LHCGR: variants seen among roughly 807,000 people sequenced by gnomAD.
LHCGR encodes lutropin-choriogonadotropic hormone receptor.
A neutral mutation model predicts 60.7 loss-of-function variants in LHCGR; 55 were observed. The ratio of observed to expected loss-of-function variants is 0.91; its 90% CI spans 0.73 to 1.13. The LOEUF (loss-of-function observed/expected upper bound fraction) is 1.13. Among genes scored for constraint, LHCGR ranks in the 50% most tolerant of loss-of-function variants. The pLI is 0.00. For missense variants in LHCGR, 862 were observed against 836.0 expected (o/e 1.03, Z -0.38); for synonymous variants, 337 against 316.5 (o/e 1.06, Z -0.69).
chr2:48,700,932 A>G (rs538507809), intron 8 of LHCGR, among the ~76,000 whole-genome samples: 1 of 152,308 alleles, frequency 6.6e-6, no homozygotes, highest in African/African-American at 2.4e-5. Context: ...AAGTAGAGTC[A>G]GAAGTCGATA....
At chr2:48,702,584 A>G (rs1667465374) in intron 8 of LHCGR, among the ~76,000 whole-genome samples, 1 of 152,190 alleles carries the variant, frequency 6.6e-6, no homozygotes. Flanking sequence ...CCTGCAAAGG[A>G]CATGAACTTA....
chr2:48,735,625 C>T (rs1017455498), intron 1 of LHCGR, among the ~76,000 whole-genome samples: 2 of 152,142 alleles, frequency 1.3e-5, no homozygotes, highest in African/African-American at 4.8e-5. Context: ...TCAAACTGGG[C>T]CCCTTGGCAC....
intron 6 of LHCGR, chr2:48,721,248 G>C (rs775844584): frequency 1.3e-5 from 2 of 157,526 alleles, no homozygotes; most frequent in Non-Finnish European, 2.8e-5. Flanking sequence ...TTCGGAATTT[G>C]TTTGTTGAAT....
At chr2:48,710,726 C>A (rs1262948844) in intron 7 of LHCGR, among the ~76,000 whole-genome samples, 2 of 152,198 alleles carry the variant, frequency 1.3e-5, no homozygotes, top group Admixed American at 6.5e-5. Flanking sequence ...GGGCCACCTT[C>A]TGCGGCTGCC....
intron 4 of LHCGR, among the ~76,000 whole-genome samples, chr2:48,725,431 G>T (rs896800444): frequency 6.6e-6 from 1 of 152,096 alleles, no homozygotes; most frequent in Non-Finnish European, 1.5e-5. Flanking sequence ...CTACAGAGGG[G>T]TGACGTTCTT....
chr2:48,694,149 A>G (rs1245272711), intron 10 of LHCGR, 75 bp downstream of exon 10: 2 of 927,846 alleles, frequency 2.2e-6, no homozygotes, highest in Admixed American at 4.0e-5. Context: ...ATCAAAAGAA[A>G]ATAATTGATG....
At chr2:48,737,757 A>T (rs1306663791) in intron 1 of LHCGR, among the ~76,000 whole-genome samples, 1 of 152,228 alleles carries the variant, frequency 6.6e-6, no homozygotes, top group Non-Finnish European at 1.5e-5. Flanking sequence ...AACAGTCTTT[A>T]AAAATACATC....
In LHCGR at chr2:48,740,544, G is replaced by A. The variant is rs534534762; in HGVS notation, c.162-9246C>T. Among the ~76,000 whole-genome samples the A allele has an allele frequency of 3.7e-3, 569 of 152,226 alleles. 3 individuals carry two copies. Among genetic ancestry groups the A allele is most frequent in the African/African-American group, 0.012 (508 of 41,512 alleles). The stretch of plus-strand genomic sequence containing the variant: ...AGTGGGTCCCTGACCCCTGACCCCT[G>A]AGCAGCCTAACTGGGAGGCACCCCC... On this transcript the variant is annotated intron_variant, in intron 1 of 10. Coordinates refer to ENST00000294954, the MANE Select transcript of LHCGR (RefSeq NM_000233.4).
At chr2:48,700,412 A>T (rs1667350640) in intron 8 of LHCGR, among the ~76,000 whole-genome samples, 1 of 152,090 alleles carries the variant, frequency 6.6e-6, no homozygotes, top group Non-Finnish European at 1.5e-5. Context: ...AATGAGAACA[A>T]CCCCTTGGGA....
At chr2:48,689,357 G>A (rs540453343) in intron 10 of LHCGR, among the ~76,000 whole-genome samples, 2 of 152,144 alleles carry the variant, frequency 1.3e-5, no homozygotes, top group African/African-American at 2.4e-5. Context: ...CTCTCATTTA[G>A]TTGCCAACCA....
intron 1 of LHCGR, among the ~76,000 whole-genome samples, chr2:48,733,884 CTGTT>C (rs1669108043): frequency 6.6e-6 from 1 of 152,060 alleles, no homozygotes; most frequent in African/African-American, 2.4e-5. Context: ...TTGTTGATAA[CTGTT>C]TGAATGTACT....
At chr2:48,742,969 G>C (rs1444773235) in intron 1 of LHCGR, among the ~76,000 whole-genome samples, 1 of 152,084 alleles carries the variant, frequency 6.6e-6, no homozygotes, top group Non-Finnish European at 1.5e-5. Flanking sequence ...GAAAAAAAGA[G>C]AGAAGAATCC....
intron 10 of LHCGR, among the ~76,000 whole-genome samples, chr2:48,689,444 A>G (rs932662055): frequency 6.6e-6 from 1 of 152,222 alleles, no homozygotes; most frequent in African/African-American, 2.4e-5. Flanking sequence ...GTCATTAGCT[A>G]CTGGTGGACT....
intron 7 of LHCGR, 79 bp downstream of exon 7, chr2:48,713,907 C>G (rs1036730863): frequency 8.8e-7 from 1 of 1,138,786 alleles, no homozygotes; most frequent in East Asian, 2.4e-5. Context: ...GAGTTAGTTG[C>G]TGAAGATTGA....
At chr2:48,721,405 A>G in intron 6 of LHCGR, 1 of 238,656 alleles carries the variant, frequency 4.2e-6, no homozygotes, top group Non-Finnish European at 8.4e-6. Context: ...AAATATTTCT[A>G]GGATCAACAG....
intron 2 of LHCGR, among the ~76,000 whole-genome samples, chr2:48,729,932 G>A (rs1668914401): frequency 6.6e-6 from 1 of 152,130 alleles, no homozygotes; most frequent in Non-Finnish European, 1.5e-5. Flanking sequence ...ATGCAGTAGT[G>A]AATAATTGAA....
intron 6 of LHCGR, among the ~76,000 whole-genome samples, chr2:48,715,723 C>A (rs182173431): frequency 6.6e-6 from 1 of 152,100 alleles, no homozygotes; most frequent in Non-Finnish European, 1.5e-5. Flanking sequence ...TCCACCAACC[C>A]ACAACACAGC....
At chr2:48,708,771 C>T (rs1403967458) in intron 8 of LHCGR, 177 bp downstream of exon 8, 1 of 674,090 alleles carries the variant, frequency 1.5e-6, no homozygotes, top group Admixed American at 2.3e-5. Flanking sequence ...CTAAGCCTCT[C>T]GGTTTGGGGT....
intron 8 of LHCGR, among the ~76,000 whole-genome samples, chr2:48,706,618 C>T (rs1361722772): frequency 6.6e-6 from 1 of 152,046 alleles, no homozygotes; most frequent in Non-Finnish European, 1.5e-5. Flanking sequence ...ATCTTGTCTT[C>T]TTGCTTTATT....
Sources: gnomAD v4.1 joint callset for allele counts (sites outside exome capture counted in the v4.1 genomes callset) on GRCh38, gnomAD v4.1.1 for gene constraint, MANE v1.5 for transcripts, NCBI Gene and HGNC (gene_info 2026-07-23, HGNC 2026-07-21) for gene names.